Variants in LRRC51 observed in about 807,000 individuals in gnomAD.
LRRC51 encodes leucine rich repeat containing 51, also known as leucine-rich repeat-containing protein 51.
Under a neutral mutation model 17.8 loss-of-function variants are expected in LRRC51, and 8 were observed. The observed-to-expected ratio is 0.45, with a 90% CI of 0.26 to 0.81. The LOEUF is 0.81. Among genes scored for constraint, LRRC51 ranks in the 30% least tolerant of loss-of-function variants. The pLI is 0.17. For synonymous variants in LRRC51, 92 were observed against 96.0 expected, an observed-to-expected ratio of 0.96 and a Z score of 0.24; for missense variants, 233 against 239.3, an observed-to-expected ratio of 0.97 and a Z score of 0.17.
At chr11:72,086,203 G>C (rs1944522757) in intron 1 of LRRC51, 1 of 580,636 alleles carries the variant, frequency 1.7e-6, no homozygotes, top group East Asian at 2.8e-5. Flanking sequence ...CTAGAACTGA[G>C]TGTTGAAACA....
Position 72,088,295 on chromosome 11 carries a change from A to G in LRRC51, c.-139-2A>G. ...TAACAACATTGTGTTCATCCCTGTC[A>G]GGGAGTATTTCCATTTTAACCGGAA... On this transcript the variant is annotated splice_acceptor_variant, in intron 1 of 5. Transcript: ENST00000289488. LOFTEE classifies it low-confidence loss of function (5UTR_SPLICE). The G allele has an allele frequency of 1.4e-6, 1 of 698,592 alleles. No homozygotes were observed. The highest frequency in any genetic ancestry group is 2.6e-6 in the Non-Finnish European group (1 of 382,818). 43.3% of individuals were successfully genotyped at this position (698,592 alleles called of 1,614,324 possible). A position where few individuals can be genotyped will look rare whatever the true frequency, so the allele number is the denominator to read the frequency against.
intron 1 of LRRC51, among the ~76,000 whole-genome samples, chr11:72,082,415 T>TC (rs1171762525): frequency 6.6e-6 from 1 of 152,066 alleles, no homozygotes; most frequent in Admixed American, 6.6e-5. Context: ...ACCCACAACT[T>TC]CATTTTCCAC....
At chr11:72,090,048 T>TG (rs1944764623) in intron 3 of LRRC51, among the ~76,000 whole-genome samples, 1 of 152,234 alleles carries the variant, frequency 6.6e-6, no homozygotes, top group Non-Finnish European at 1.5e-5. Context: ...TGGTAGCCAC[T>TG]GCCTTTAAGC....
rs374233636 is a variant in LRRC51 at position 72,089,093 on chromosome 11, C to T, written c.10C>T (p.Arg4Trp). The T allele has an allele frequency of 3.2e-5, 51 of 1,613,970 alleles. No homozygotes were observed. The highest frequency in any genetic ancestry group is 2.2e-4 in the East Asian group (10 of 44,866). MNK[R>W]DYMNTSVQEP... ...AATGATGGCCTGAACTATGAACAAA[C>T]GGGACTATATGAACACTTCGGTACA... The change falls in exon 3 of 6, where the codon CGG becomes TGG. Residue 4 changes from arginine (R) to tryptophan (W), a missense_variant. Physicochemically the swap from Arg to Trp is moderately radical, Grantham distance 101. Coordinates refer to ENST00000289488, the MANE Select transcript of LRRC51 (RefSeq NM_145309.6).
At chr11:72,083,558 G>C (rs1264094011) in intron 1 of LRRC51, among the ~76,000 whole-genome samples, 1 of 152,060 alleles carries the variant, frequency 6.6e-6, no homozygotes, top group Non-Finnish European at 1.5e-5. Context: ...CCGGCACTAT[G>C]AGATACAACT....
intron 1 of LRRC51, 29 bp from the exon 2 acceptor site, chr11:72,088,268 G>T (rs1161288202): frequency 1.8e-5 from 12 of 671,732 alleles, no homozygotes; most frequent in Non-Finnish European, 8.1e-6. Context: ...GCAAGTGACT[G>T]ATAACAACAT....
intron 3 of LRRC51, among the ~76,000 whole-genome samples, chr11:72,091,921 T>C (rs1944887479): frequency 2.0e-5 from 3 of 152,196 alleles, no homozygotes; most frequent in Non-Finnish European, 4.4e-5. Flanking sequence ...GGCTTCTGCC[T>C]CCAGGCCCTT....
At position 72,088,834 on chromosome 11, in the gene LRRC51, A is replaced by G. The variant is rs150325419; in HGVS notation, c.-55-195A>G. On this transcript the variant is annotated intron_variant, in intron 2 of 5. Coordinates refer to ENST00000289488, the MANE Select transcript of LRRC51 (RefSeq NM_145309.6). ...GTTCGATTCTCAAATGAGTTCTAAG[A>G]GATGTGAAGGTGCTCTGAGAAGTAG... 1.5e-3 allele frequency: 863 copies of G among 585,952 alleles called. 1 individual carries two copies. Among genetic ancestry groups the G allele is most frequent in the African/African-American group, 0.014 (747 of 53,536 alleles). 36.3% of individuals were successfully genotyped at this position (585,952 alleles called of 1,614,324 possible).
At chr11:72,087,358 G>A (rs1944599200) in intron 1 of LRRC51, among the ~76,000 whole-genome samples, 1 of 143,538 alleles carries the variant, frequency 7.0e-6, no homozygotes, top group South Asian at 2.2e-4. Context: ...CGCCCAGGCT[G>A]GAGTGCAGTG....
rs1197776484 is a variant in LRRC51, at chr11:72,089,384, G to A, written c.82+219G>A. ...CCGATACAGCCCCAGGAGATCCTAA[G>A]AACATGTGCCCCTGTTTGTTTTTTT... is the stretch of plus-strand genomic sequence containing the variant. On this transcript the variant is annotated intron_variant, in intron 3 of 5. Coordinates refer to ENST00000289488, the MANE Select transcript of LRRC51 (RefSeq NM_145309.6). The A allele has an allele frequency of 2.0e-6, 3 of 1,468,966 alleles. No individual in the cohort carries two copies. In the East Asian group the frequency reaches 8.4e-5, roughly 41 times the overall value. 91.0% of individuals were successfully genotyped at this position (1,468,966 alleles called of 1,614,324 possible).
chr11:72,088,292 G>T lies in LRRC51; in HGVS notation c.-139-5G>T. 1 of 696,842 alleles carries T rather than the reference G, an allele frequency of 1.4e-6. No homozygotes were observed. 43.2% of individuals were successfully genotyped at this position (696,842 alleles called of 1,614,324 possible). On this transcript the variant is annotated splice_polypyrimidine_tract_variant and splice_region_variant and intron_variant, in intron 1 of 5. Coordinates refer to ENST00000289488, the MANE Select transcript of LRRC51 (RefSeq NM_145309.6). ...TGATAACAACATTGTGTTCATCCCT[G>T]TCAGGGAGTATTTCCATTTTAACCG...
At chr11:72,081,786 G>A (rs917527693) in intron 1 of LRRC51, among the ~76,000 whole-genome samples, 1 of 152,046 alleles carries the variant, frequency 6.6e-6, no homozygotes, top group Non-Finnish European at 1.5e-5. Flanking sequence ...AAGCTCTACA[G>A]TTAGAGCTTC....
intron 4 of LRRC51, 110 bp downstream of exon 4, chr11:72,093,811 A>G: frequency 9.3e-7 from 1 of 1,078,472 alleles, no homozygotes; most frequent in East Asian, 2.4e-5. Context: ...GCAGCATGGT[A>G]CAGTCCAAAG....
At chr11:72,093,017 C>T (rs1379847746) in intron 3 of LRRC51, among the ~76,000 whole-genome samples, 1 of 152,208 alleles carries the variant, frequency 6.6e-6, no homozygotes, top group African/African-American at 2.4e-5. Flanking sequence ...GACTGTCTCT[C>T]ATTTTGTTTA....
At chr11:72,089,415 A>C (rs1170337155) in intron 3 of LRRC51, 1 of 1,426,686 alleles carries the variant, frequency 7.0e-7, no homozygotes. Flanking sequence ...TTTTTTAAGC[A>C]GCAAATCTGA....
intron 1 of LRRC51, among the ~76,000 whole-genome samples, chr11:72,088,084 A>G (rs1944647210): frequency 1.3e-5 from 2 of 152,164 alleles, no homozygotes; most frequent in Admixed American, 6.5e-5. Flanking sequence ...ATCCTTGTCA[A>G]TTTGTCTTTT....
chr11:72,082,031 T>C (rs572908515), intron 1 of LRRC51, among the ~76,000 whole-genome samples: 1 of 152,284 alleles, frequency 6.6e-6, no homozygotes, highest in South Asian at 2.1e-4. Flanking sequence ...CTCTTTAGCT[T>C]CAGCCTACTG....
At chr11:72,083,056 G>A (rs1944334833) in intron 1 of LRRC51, among the ~76,000 whole-genome samples, 1 of 152,108 alleles carries the variant, frequency 6.6e-6, no homozygotes, top group African/African-American at 2.4e-5. Context: ...GTAGAGACGG[G>A]GTTTCTCCAT....
intron 1 of LRRC51, among the ~76,000 whole-genome samples, chr11:72,081,175 C>T (rs922517866): frequency 7.2e-5 from 11 of 152,238 alleles, no homozygotes; most frequent in South Asian, 2.1e-4. Flanking sequence ...GTAATCCCAA[C>T]ACTGGGAGAC....
Sources: gnomAD v4.1 joint callset for allele counts (sites outside exome capture counted in the v4.1 genomes callset) on GRCh38, gnomAD v4.1.1 for gene constraint, MANE v1.5 for transcripts, NCBI Gene and HGNC (gene_info 2026-07-23, HGNC 2026-07-21) for gene names.